Variants in AEBP1 observed in about 807,000 individuals in gnomAD.
The protein encoded by AEBP1 is AE binding protein 1, also known as adipocyte enhancer-binding protein 1.
In AEBP1, 69 loss-of-function variants were observed where a neutral mutation model predicts 116.5. The ratio of observed to expected loss-of-function variants is 0.59; its 90% confidence interval spans 0.49 to 0.72. The LOEUF (loss-of-function observed/expected upper bound fraction) is 0.72, where lower values mean the gene tolerates loss of function less well. Among genes scored for constraint, AEBP1 ranks in the 30% least tolerant of loss-of-function variants. The probability of loss-of-function intolerance (pLI) is 0.00; values close to 1 mark genes in which losing one functional copy is unlikely to be tolerated. For missense variants in AEBP1, 1,444 were observed against 1,557.5 expected, an observed-to-expected ratio of 0.93 and a Z score of 1.23; for synonymous variants, 627 against 627.3, an observed-to-expected ratio of 1.00 and a Z score of 0.01.
Position 44,110,279 on chromosome 7 carries a change from G to A in AEBP1, c.1333G>A (p.Glu445Lys). Residue 445 changes from glutamate to lysine, a missense_variant, in exon 11 of 21, where the codon GAG becomes AAG. Physicochemically the swap from Glu to Lys is moderately conservative, Grantham distance 56. Coordinates refer to ENST00000223357, the MANE Select transcript of AEBP1 (RefSeq NM_001129.5). ...AEDDARTQWIEVDTRRTTRFT... is the reference protein window; with the variant it reads ...AEDDARTQWIKVDTRRTTRFT... ...GGACGATGCCAGGACCCAGTGGATA[G>A]AGGTGGACACCAGGAGGACTACCCG... The A allele has an allele frequency of 6.2e-7, 1 of 1,613,790 alleles. No homozygotes were observed. The highest frequency in any genetic ancestry group is 1.6e-4 in the Middle Eastern group (1 of 6,062).
Position 44,113,417 on chromosome 7 carries a change from T to C in AEBP1, c.2809+66T>C. 1 of 1,518,300 alleles carries C rather than the reference T, an allele frequency of 6.6e-7. No individual in the cohort carries two copies. The highest frequency in any genetic ancestry group is 9.0e-7 in the Non-Finnish European group (1 of 1,117,210). 94.1% of individuals were successfully genotyped at this position (1,518,300 alleles called of 1,614,324 possible). The stretch of plus-strand genomic sequence containing the variant: ...GGACCCGCCAGAGAGGGTGGGGGCT[T>C]GAGGAACTCAGCGAGCAGGTAGAGT... On this transcript the variant is annotated intron_variant, in intron 20 of 20. Transcript: ENST00000223357. This position sits in a 1 kb window ranked among gnomAD's most constrained non-coding sequence, Gnocchi z 5.3.
At position 44,114,248 on chromosome 7, in the gene AEBP1, T is replaced by C. The variant is rs746644365; in HGVS notation, c.3464T>C (p.Phe1155Ser). 3.7e-6 allele frequency: 6 copies of C among 1,613,628 alleles called. No homozygotes were observed. Among genetic ancestry groups the C allele is most frequent in the African/African-American group, 1.3e-5 (1 of 74,958 alleles). Residue 1155 changes from phenylalanine (F) to serine (S), a missense_variant, in exon 21 of 21, where the codon TTT becomes TCT. Phe to Ser is a radical substitution (Grantham distance 155, BLOSUM62 -2). Coordinates refer to ENST00000223357, the MANE Select transcript of AEBP1 (RefSeq NM_001129.5). The stretch of plus-strand genomic sequence containing the variant: ...ACAGTAGAGACCTACACAGTGAACT[T>C]TGGGGACTTCTGAGATCAGCGTCCT... ...FTTVETYTVN[F>S]GDF
chr7:44,107,865 C>T lies in AEBP1; in HGVS notation c.796C>T (p.Pro266Ser). 3 of 1,608,172 alleles carry T rather than the reference C, an allele frequency of 1.9e-6. No individual in the cohort carries two copies. Among genetic ancestry groups the T allele is most frequent in the Non-Finnish European group, 2.5e-6 (3 of 1,178,104 alleles). The change falls in exon 5 of 21, where the codon CCC becomes TCC. Residue 266 changes from proline to serine, a missense_variant. Pro to Ser is a moderately conservative substitution (Grantham distance 74, BLOSUM62 -1). Coordinates refer to ENST00000223357, the MANE Select transcript of AEBP1 (RefSeq NM_001129.5). The surrounding 1 kb of genome is among the most constrained non-coding windows in gnomAD (Gnocchi z 4.3). ...PRPPPSRRRR[P>S]ERVWPEPPEE... ...GCCACCCCCAAGCAGAAGGAGGAGG[C>T]CCGAGCGGGTCTGGCCAGAGCCCCC... is the stretch of plus-strand genomic sequence containing the variant.
At position 44,113,416 on chromosome 7, in the gene AEBP1, T is replaced by G. The variant is rs2096232278; in HGVS notation, c.2809+65T>G. ...AGGACCCGCCAGAGAGGGTGGGGGC[T>G]TGAGGAACTCAGCGAGCAGGTAGAG... On this transcript the variant is annotated intron_variant, in intron 20 of 20. Transcript: ENST00000223357. This position sits in a 1 kb window ranked among gnomAD's most constrained non-coding sequence, Gnocchi z 5.3. 1 of 1,518,456 alleles carries G rather than the reference T, an allele frequency of 6.6e-7. No homozygotes were observed. Among genetic ancestry groups the G allele is most frequent in the South Asian group, 1.2e-5 (1 of 84,274 alleles). 94.1% of individuals were successfully genotyped at this position (1,518,456 alleles called of 1,614,324 possible).
chr7:44,110,298 C>T lies in AEBP1; in HGVS notation c.1352C>T (p.Thr451Ile). Residue 451 changes from threonine to isoleucine, a missense_variant, in exon 11 of 21, where the codon ACT becomes ATT. Coordinates refer to ENST00000223357, the MANE Select transcript of AEBP1 (RefSeq NM_001129.5). ...TGGATAGAGGTGGACACCAGGAGGA[C>T]TACCCGGTTCACAGGCGTCATCACC... ...TQWIEVDTRRTTRFTGVITQG... is the reference protein window; with the variant it reads ...TQWIEVDTRRITRFTGVITQG... 2 of 1,613,700 alleles carry T rather than the reference C, an allele frequency of 1.2e-6. No individual in the cohort carries two copies. Among genetic ancestry groups the T allele is most frequent in the Non-Finnish European group, 1.7e-6 (2 of 1,180,024 alleles).
At position 44,112,695 on chromosome 7, in the gene AEBP1, G is replaced by A. The variant is rs2096230940; in HGVS notation, c.2355G>A (p.Leu785=). 1.9e-6 allele frequency: 3 copies of A among 1,613,276 alleles called. No individual in the cohort carries two copies. The highest frequency in any genetic ancestry group is 2.5e-6 in the Non-Finnish European group (3 of 1,179,984). ...GCACGCCTACCCAGGAGCAGCTGCT[G>A]GCCGCAGCCATGGCAGCAGCCCGGG... ...MARTPTQEQL[L]AAAMAAARGE... is the part of the protein sequence containing the mutation. The change falls in exon 18 of 21, where the codon CTG becomes CTA. Residue 785 remains leucine, a synonymous_variant. Coordinates refer to ENST00000223357, the MANE Select transcript of AEBP1 (RefSeq NM_001129.5). This position sits in a 1 kb window ranked among gnomAD's most constrained non-coding sequence, Gnocchi z 6.6.
In AEBP1 at chr7:44,113,485, TGG is replaced by T; in HGVS notation, c.2810-105_2810-104del. On this transcript the variant is annotated intron_variant, in intron 20 of 20. Transcript: ENST00000223357. This position sits in a 1 kb window ranked among gnomAD's most constrained non-coding sequence, Gnocchi z 5.3. ...GAAATTCAGAGAGGGAGGGCGGTGC[TGG>T]GGGCGGGAACTCAGAGGGGGAGGGC... The T allele has an allele frequency of 8.0e-7, 1 of 1,243,980 alleles. No individual in the cohort carries two copies. Among genetic ancestry groups the T allele is most frequent in the South Asian group, 1.5e-5 (1 of 65,696 alleles). 77.1% of individuals were successfully genotyped at this position (1,243,980 alleles called of 1,614,324 possible).
chr7:44,105,388 T>G (rs148733912), intron 1 of AEBP1, among the ~76,000 whole-genome samples: 1 of 152,172 alleles, frequency 6.6e-6, no homozygotes, highest in Non-Finnish European at 1.5e-5. Context: ...GGGCTTCAGG[T>G]GGTGGTGAGC....
chr7:44,107,289 G>C lies in AEBP1; in HGVS notation c.596-150G>C. On this transcript the variant is annotated intron_variant, in intron 2 of 20. Coordinates refer to ENST00000223357, the MANE Select transcript of AEBP1 (RefSeq NM_001129.5). The surrounding 1 kb of genome is among the most constrained non-coding windows in gnomAD (Gnocchi z 4.3). ...GATGCCAGCAGGATGCTGAAGGCCA[G>C]AGGAGCTCAGGCCTCCTTGGAGTGA... 1.4e-6 allele frequency: 1 copy of C among 734,788 alleles called. No homozygotes were observed. Among genetic ancestry groups the C allele is most frequent in the Non-Finnish European group, 2.3e-6 (1 of 439,674 alleles). 45.5% of individuals were successfully genotyped at this position (734,788 alleles called of 1,614,324 possible).
At chr7:44,109,901 C>A in intron 9 of AEBP1, 114 bp from the exon 10 acceptor site, 1 of 937,046 alleles carries the variant, frequency 1.1e-6, no homozygotes, top group Non-Finnish European at 1.6e-6. Context: ...ACCAGAGCTG[C>A]CCTCTGACTG....
intron 9 of AEBP1, 141 bp downstream of exon 9, chr7:44,109,482 G>T: frequency 9.7e-7 from 1 of 1,028,654 alleles, no homozygotes; most frequent in Non-Finnish European, 1.4e-6. Flanking sequence ...GAAGGGAGGG[G>T]CCCCGGGAGC....
In AEBP1 at chr7:44,108,224, C is replaced by T; in HGVS notation, c.940+140C>T. 2 of 781,498 alleles carry T rather than the reference C, an allele frequency of 2.6e-6. No individual in the cohort carries two copies. The highest frequency in any genetic ancestry group is 1.7e-5 in the South Asian group (1 of 58,918). 48.4% of individuals were successfully genotyped at this position (781,498 alleles called of 1,614,324 possible). ...GTGGTTACCTCGCTGTCCCTGCTGT[C>T]CCTGCGTGCCCACCCCAGCCACTGC... On this transcript the variant is annotated intron_variant, in intron 6 of 20. Transcript: ENST00000223357. The surrounding 1 kb of genome is among the most constrained non-coding windows in gnomAD (Gnocchi z 5.0).
rs923882594 is a variant in AEBP1 at position 44,111,057 on chromosome 7, C to T, written c.1630C>T (p.Pro544Ser). The part of the protein sequence containing the change: ...RLEVLGCSVA[P>S]VYSYYAQNEV... The stretch of plus-strand genomic sequence containing the variant: ...GGAGGTGCTGGGGTGCTCTGTGGCC[C>T]GTGAGTGTGGAGGGCTGGCAGGGGC... The change falls in exon 13 of 21, where the codon CCT (proline) becomes TCT (serine). Residue 544 changes from proline (P) to serine (S), a missense_variant and splice_region_variant. Pro to Ser is a moderately conservative substitution (Grantham distance 74, BLOSUM62 -1). Transcript: ENST00000223357. The surrounding 1 kb of genome is among the most constrained non-coding windows in gnomAD (Gnocchi z 4.7). 37 of 1,607,378 alleles carry T rather than the reference C, an allele frequency of 2.3e-5. No homozygotes were observed. The highest frequency in any genetic ancestry group is 3.0e-5 in the Non-Finnish European group (35 of 1,175,812).
chr7:44,106,796 G>A lies in AEBP1; in HGVS notation c.504G>A (p.Lys168=). 1 of 1,611,468 alleles carries A rather than the reference G, an allele frequency of 6.2e-7. No homozygotes were observed. The highest frequency in any genetic ancestry group is 1.1e-5 in the South Asian group (1 of 90,740). The change falls in exon 2 of 21, where the codon AAG becomes AAA. Residue 168 remains lysine, a synonymous_variant. Coordinates refer to ENST00000223357, the MANE Select transcript of AEBP1 (RefSeq NM_001129.5). Reference sequence around the variant, plus strand: ...CCACCAAGAAGCCCCCGTCAGGGAAGAGGCCCCCCATTCTGGCTCCCTCAG... The same window carrying A: ...CCACCAAGAAGCCCCCGTCAGGGAAAAGGCCCCCCATTCTGGCTCCCTCAG... ...PKATKKPPSG[K]RPPILAPSET...
In AEBP1 at chr7:44,108,555, A is replaced by G. The variant is rs972181724; in HGVS notation, c.941-344A>G. ...GCCATTTCCCTGCCCCCAGGTCCCC[A>G]TCAGTGCCTCCAATGTCTCCCCATC... is the stretch of plus-strand genomic sequence containing the variant. On this transcript the variant is annotated intron_variant, in intron 6 of 20. Transcript: ENST00000223357. This position sits in a 1 kb window ranked among gnomAD's most constrained non-coding sequence, Gnocchi z 5.0. 1.3e-5 allele frequency among the ~76,000 whole-genome samples: 2 copies of G among 151,392 alleles called. No homozygotes were observed. The highest frequency in any genetic ancestry group is 3.9e-4 in the East Asian group (2 of 5,152).
chr7:44,112,188 G>C lies in AEBP1; in HGVS notation c.2084G>C (p.Gly695Ala). Residue 695 changes from glycine to alanine, a missense_variant, in exon 17 of 21, where the codon GGC becomes GCC. Transcript: ENST00000223357. The surrounding 1 kb of genome is among the most constrained non-coding windows in gnomAD (Gnocchi z 6.6). ...GCGCTGGGACTGTGGACTGAGGAGG[G>C]CTTTGACATCTTTGAAGATTTCCCG... ...NWALGLWTEE[G>A]FDIFEDFPDL... 6.2e-7 allele frequency: 1 copy of C among 1,607,776 alleles called. No homozygotes were observed. The highest frequency in any genetic ancestry group is 2.2e-5 in the East Asian group (1 of 44,694).
Position 44,111,280 on chromosome 7 carries a change from T to C in AEBP1, c.1716+41T>C, listed in dbSNP as rs778486775. The C allele has an allele frequency of 1.3e-6, 2 of 1,491,326 alleles. No individual in the cohort carries two copies. Among genetic ancestry groups the C allele is most frequent in the Admixed American group, 2.4e-5 (1 of 42,356 alleles). The allele number at this position is 1,491,326 out of a possible 1,614,324, so 92.4% of individuals were successfully genotyped here. A position where few individuals can be genotyped will look rare whatever the true frequency, so the allele number is the denominator to read the frequency against. On this transcript the variant is annotated intron_variant, in intron 14 of 20. Transcript: ENST00000223357. This position sits in a 1 kb window ranked among gnomAD's most constrained non-coding sequence, Gnocchi z 4.7. Reference sequence around the variant, plus strand: ...CCTGGGGCTGGGGGTGGGACCTGTCTGTGGCTGACGGGAGTGTGTGCCTGG... The same window carrying C: ...CCTGGGGCTGGGGGTGGGACCTGTCCGTGGCTGACGGGAGTGTGTGCCTGG...
Position 44,108,961 on chromosome 7 carries a change from G to A in AEBP1, c.1003G>A (p.Glu335Lys). ...KPDAERQTDE[E>K]KEELKKPKKE... ...CGATGCTGAGCGCCAGACAGACGAA[G>A]AGAAGGAGGAGCTGAGTGAGTGGGA... Residue 335 changes from glutamate to lysine, a missense_variant, in exon 7 of 21, where the codon GAG becomes AAG. By Grantham distance (56) the Glu-to-Lys change is moderately conservative (BLOSUM62 1). Coordinates refer to ENST00000223357, the MANE Select transcript of AEBP1 (RefSeq NM_001129.5). This position sits in a 1 kb window ranked among gnomAD's most constrained non-coding sequence, Gnocchi z 5.0. 1.9e-6 allele frequency: 3 copies of A among 1,604,414 alleles called. No homozygotes were observed. The highest frequency in any genetic ancestry group is 1.1e-5 in the South Asian group (1 of 89,558).
Position 44,111,715 on chromosome 7 carries a change from G to C in AEBP1, c.1840+85G>C. 1 of 1,578,742 alleles carries C rather than the reference G, an allele frequency of 6.3e-7. No homozygotes were observed. Among genetic ancestry groups the C allele is most frequent in the Non-Finnish European group, 8.6e-7 (1 of 1,162,692 alleles). On this transcript the variant is annotated intron_variant, in intron 15 of 20. Transcript: ENST00000223357. The surrounding 1 kb of genome is among the most constrained non-coding windows in gnomAD (Gnocchi z 4.7). Reference sequence around the variant, plus strand: ...TCCCGCCTGTTCCGGAGCCTCTCTGGGGATTCTGGCTTGTCTTACAGGGCC... The same window carrying C: ...TCCCGCCTGTTCCGGAGCCTCTCTGCGGATTCTGGCTTGTCTTACAGGGCC...
Sources: gnomAD v4.1 joint callset for allele counts (sites outside exome capture counted in the v4.1 genomes callset) on GRCh38, gnomAD v4.1.1 for gene constraint, Gnocchi (gnomAD v3.1) non-coding constraint, MANE v1.5 for transcripts, NCBI Gene and HGNC (gene_info 2026-07-23, HGNC 2026-07-21) for gene names.